The following FSTL5 variants were observed in gnomAD, a reference collection of about 807,000 sequenced individuals.
The protein encoded by FSTL5 is follistatin-related protein 5.
FSTL5 carries 62 observed loss-of-function variants against 89.1 expected under a neutral mutation model. That is an observed-to-expected ratio of 0.70 (90% CI 0.57 to 0.86). The LOEUF is 0.86. Ranked by LOEUF, FSTL5 falls within the 40% of genes least tolerant of loss-of-function variation. The probability of loss-of-function intolerance (pLI) is 0.00; values close to 1 mark genes in which losing one functional copy is unlikely to be tolerated. For synonymous variants in FSTL5, 383 were observed against 346.2 expected (o/e 1.11, Z -1.18); for missense variants, 1,057 against 1,001.6 (o/e 1.06, Z -0.75).
chr4:162,057,207 T>A (rs1337989043), intron 2 of FSTL5, among the ~76,000 whole-genome samples: 1 of 152,206 alleles, frequency 6.6e-6, no homozygotes, highest in African/African-American at 2.4e-5. Flanking sequence ...AGGAACCTCA[T>A]TTCACTAAAT....
chr4:161,397,687 A>G (rs552320378), intron 15 of FSTL5, among the ~76,000 whole-genome samples: 2 of 151,592 alleles, frequency 1.3e-5, no homozygotes, highest in Non-Finnish European at 3.0e-5. Context: ...AAAGTCATAT[A>G]AGTTAAAAGC....
At position 161,943,757 on chromosome 4, in the gene FSTL5, G is replaced by GCA. The variant is rs1578880725; in HGVS notation, c.161-23106_161-23105insTG. Among the ~76,000 whole-genome samples the GCA allele has an allele frequency of 2.6e-5, 4 of 151,320 alleles. No individual in the cohort carries two copies. The East Asian group carries it at 7.8e-4, about 29-fold the overall frequency. On this transcript the variant is annotated intron_variant, in intron 3 of 15. Coordinates refer to ENST00000306100, the MANE Select transcript of FSTL5 (RefSeq NM_020116.5). Reference sequence around the variant, plus strand: ...TTTTTAGTAGAGATGGGGTTTCACCGTGTTAGCCAGCATGGTCTCGATCTC... The same window carrying GCA: ...TTTTTAGTAGAGATGGGGTTTCACCGCATGTTAGCCAGCATGGTCTCGATCTC...
intron 4 of FSTL5, among the ~76,000 whole-genome samples, chr4:161,858,736 T>C (rs931036819): frequency 1.3e-5 from 2 of 152,214 alleles, no homozygotes. Flanking sequence ...TACTTCTAGA[T>C]GTGTGTCTTG....
intron 3 of FSTL5, among the ~76,000 whole-genome samples, chr4:162,009,172 T>C (rs901160715): frequency 6.6e-6 from 1 of 152,086 alleles, no homozygotes; most frequent in African/African-American, 2.4e-5. Flanking sequence ...CCTTTTAGGA[T>C]AAAGTGGCAT....
At chr4:161,543,009 T>C (rs931129413) in intron 8 of FSTL5, among the ~76,000 whole-genome samples, 12 of 152,024 alleles carry the variant, frequency 7.9e-5, no homozygotes, top group African/African-American at 2.9e-4. Context: ...GACTCCAATT[T>C]GCTAAATATG....
Position 161,832,394 on chromosome 4 carries a change from C to T in FSTL5, c.410-56320G>A, listed in dbSNP as rs899080190. Among the ~76,000 whole-genome samples, 49 of 151,948 alleles carry T rather than the reference C, an allele frequency of 3.2e-4. 1 individual carries two copies. The highest frequency in any genetic ancestry group is 9.4e-4 in the African/African-American group (39 of 41,402). Reference sequence around the variant, plus strand: ...TGGTATCAGGATGATGCTGGCCTCACAAAATGAGTTAGGGAGGATTCCCTC... The same window carrying T: ...TGGTATCAGGATGATGCTGGCCTCATAAAATGAGTTAGGGAGGATTCCCTC... On this transcript the variant is annotated intron_variant, in intron 4 of 15. Coordinates refer to ENST00000306100, the MANE Select transcript of FSTL5 (RefSeq NM_020116.5).
At chr4:162,034,757 G>T (rs1737666955) in intron 2 of FSTL5, among the ~76,000 whole-genome samples, 1 of 152,030 alleles carries the variant, frequency 6.6e-6, no homozygotes, top group South Asian at 2.1e-4. Context: ...CAAAAGAGTA[G>T]GAAAATATAA....
At chr4:161,549,239 G>A (rs939874827) in intron 8 of FSTL5, among the ~76,000 whole-genome samples, 2 of 151,562 alleles carry the variant, frequency 1.3e-5, no homozygotes, top group African/African-American at 4.8e-5. Context: ...AAACATTTTT[G>A]AGTCTTTGTT....
In FSTL5 at chr4:161,586,902, A is replaced by T. The variant is rs528385333; in HGVS notation, c.1015+553T>A. ...TGTTACAATAAATTATGGAAATGAAATATTTACTAATCAGTCATATGTGTA... is the reference window on the plus strand; with the variant it reads ...TGTTACAATAAATTATGGAAATGAATTATTTACTAATCAGTCATATGTGTA... On this transcript the variant is annotated intron_variant, in intron 8 of 15. Transcript: ENST00000306100. Among the ~76,000 whole-genome samples the T allele has an allele frequency of 7.2e-5, 11 of 152,342 alleles. No homozygotes were observed. In the East Asian group the frequency reaches 2.1e-3, roughly 29 times the overall value.
At chr4:161,476,173 GT>G (rs1231231673) in intron 13 of FSTL5, among the ~76,000 whole-genome samples, 5 of 80,490 alleles carry the variant, frequency 6.2e-5, no homozygotes, top group African/African-American at 2.7e-4. Context: ...AAGTTTGCTG[GT>G]TTTTTTTTTT....
chr4:161,616,204 A>G (rs1180709105), intron 7 of FSTL5, among the ~76,000 whole-genome samples: 1 of 151,960 alleles, frequency 6.6e-6, no homozygotes, highest in Non-Finnish European at 1.5e-5. Flanking sequence ...CTCCTGCCTC[A>G]GCCTCCCAAG....
At chr4:161,412,410 A>G (rs1731622960) in intron 15 of FSTL5, among the ~76,000 whole-genome samples, 1 of 152,186 alleles carries the variant, frequency 6.6e-6, no homozygotes, top group Non-Finnish European at 1.5e-5. Context: ...CCAAAGCTGG[A>G]GGCATCACAC....
chr4:161,512,294 C>A (rs957935626), intron 10 of FSTL5, among the ~76,000 whole-genome samples: 1 of 152,044 alleles, frequency 6.6e-6, no homozygotes, highest in Non-Finnish European at 1.5e-5. Context: ...ATGTATTCAG[C>A]ACTCACATAC....
intron 5 of FSTL5, among the ~76,000 whole-genome samples, chr4:161,762,373 C>T (rs1740838857): frequency 6.6e-6 from 1 of 152,176 alleles, no homozygotes; most frequent in African/African-American, 2.4e-5. Context: ...CACTCGTTGG[C>T]ACAAACTTGT....
At chr4:161,417,662 C>T (rs1019623175) in intron 15 of FSTL5, among the ~76,000 whole-genome samples, 1 of 152,180 alleles carries the variant, frequency 6.6e-6, no homozygotes, top group Non-Finnish European at 1.5e-5. Flanking sequence ...CCTCAGGGAT[C>T]TAGTTTCCTC....
At chr4:161,639,696 C>A (rs1465683885) in intron 7 of FSTL5, among the ~76,000 whole-genome samples, 2 of 152,150 alleles carry the variant, frequency 1.3e-5, no homozygotes, top group Non-Finnish European at 2.9e-5. Context: ...GCTATATTGT[C>A]ATAGCAGCCA....
chr4:162,026,287 G>A (rs1737278282), intron 3 of FSTL5, among the ~76,000 whole-genome samples: 1 of 60,586 alleles, frequency 1.7e-5, no homozygotes, highest in Admixed American at 1.7e-4. Context: ...TATTTCAGGA[G>A]ACAGCTTATG....
chr4:161,804,061 G>C (rs568281229), intron 4 of FSTL5, among the ~76,000 whole-genome samples: 56 of 152,026 alleles, frequency 3.7e-4, no homozygotes, highest in African/African-American at 1.2e-3. Context: ...TAGCTCCTCT[G>C]TGGTTCTTAC....
chr4:162,045,720 A>C (rs960136829), intron 2 of FSTL5, among the ~76,000 whole-genome samples: 26 of 152,204 alleles, frequency 1.7e-4, no homozygotes, highest in Non-Finnish European at 1.3e-4. Context: ...CAGTATCTGC[A>C]AAGTGCAATC....
Sources: gnomAD v4.1 joint callset for allele counts (sites outside exome capture counted in the v4.1 genomes callset) on GRCh38, gnomAD v4.1.1 for gene constraint, MANE v1.5 for transcripts, NCBI Gene and HGNC (gene_info 2026-07-23, HGNC 2026-07-21) for gene names.